Variants in CFAP251 observed in about 807,000 individuals in gnomAD.
The protein encoded by CFAP251 is cilia- and flagella-associated protein 251.
In CFAP251, 93 loss-of-function variants were observed where a neutral mutation model predicts 126.7. The observed-to-expected ratio is 0.73, with a 90% confidence interval of 0.62 to 0.87. CFAP251 has a LOEUF of 0.87. Among genes scored for constraint, CFAP251 ranks in the 40% least tolerant of loss-of-function variants. The probability of loss-of-function intolerance (pLI) is 0.00; values close to 1 mark genes in which losing one functional copy is unlikely to be tolerated. For missense variants in CFAP251, 1,287 were observed against 1,389.2 expected, an observed-to-expected ratio of 0.93 and a Z score of 1.17; for synonymous variants, 503 against 506.9, an observed-to-expected ratio of 0.99 and a Z score of 0.10.
At chr12:122,000,773 C>T (rs1254857569) in intron 20 of CFAP251, among the ~76,000 whole-genome samples, 3 of 151,984 alleles carry the variant, frequency 2.0e-5, no homozygotes, top group Non-Finnish European at 4.4e-5. Context: ...GAGCCTGGTC[C>T]CCGCAGCATG....
At chr12:121,956,411 G>A (rs1472201604) in intron 10 of CFAP251, among the ~76,000 whole-genome samples, 1 of 152,186 alleles carries the variant, frequency 6.6e-6, no homozygotes, top group African/African-American at 2.4e-5. Flanking sequence ...GCATAGTCAA[G>A]CCACATGGCC....
chr12:121,943,054 C>CT (rs1690719470), intron 7 of CFAP251, 79 bp downstream of exon 7: 1 of 1,481,064 alleles, frequency 6.8e-7, no homozygotes, highest in Non-Finnish European at 9.4e-7. Flanking sequence ...TGGCTCACAC[C>CT]TGTAATCCCA....
Position 121,975,583 on chromosome 12 carries a change from AG to A in CFAP251, c.2906del (p.Gly969AlafsTer23). 2 of 1,606,694 alleles carry A rather than the reference AG, an allele frequency of 1.2e-6. No individual in the cohort carries two copies. The highest frequency in any genetic ancestry group is 2.7e-5 in the African/African-American group (2 of 74,504). On this transcript the variant is annotated frameshift_variant, in exon 19 of 22. Coordinates refer to ENST00000288912, the MANE Select transcript of CFAP251 (RefSeq NM_144668.6). LOFTEE classifies it high-confidence loss of function. Reference sequence around the variant, plus strand: ...TCTACTATTCTCAGCTCCGCAGTCAAGGCATCGACACAATGGAGACCAGAAA... The same window carrying A: ...TCTACTATTCTCAGCTCCGCAGTCAAGCATCGACACAATGGAGACCAGAAA... The part of the protein sequence containing the change: ...YFYYSQLRSQ[G>X]IDTMETRKVS...
At chr12:121,961,372 TCATCCATCTGTCCATCCATC>T (rs1356732229) in intron 14 of CFAP251, among the ~76,000 whole-genome samples, 5 of 141,808 alleles carry the variant, frequency 3.5e-5, no homozygotes, top group African/African-American at 1.3e-4. Flanking sequence ...CTCCATCCAT[TCATCCATCTGTCCATCCATC>T]CATCCATCCG....
At chr12:121,955,887 T>A (rs1881711426) in intron 10 of CFAP251, 1 of 151,822 alleles carries the variant, frequency 6.6e-6, no homozygotes, top group South Asian at 2.1e-4. Flanking sequence ...GACCTGGGAG[T>A]CCAAGAAGGA....
At chr12:121,947,053 T>C (rs1720030) in intron 7 of CFAP251, among the ~76,000 whole-genome samples, 94,451 of 152,046 alleles carry the variant, frequency 0.62, 31,960 homozygotes, top group Non-Finnish European at 0.77. Context: ...TCTTTATTCT[T>C]CTTCTGGGGC....
rs1426062272 is a variant in CFAP251, at chr12:121,923,645, A to G, written c.402A>G (p.Ser134=). 1 of 1,611,332 alleles carries G rather than the reference A, an allele frequency of 6.2e-7. No individual in the cohort carries two copies. Among genetic ancestry groups the G allele is most frequent in the Admixed American group, 1.7e-5 (1 of 59,350 alleles). The change falls in exon 3 of 22, where the codon TCA becomes TCG. Residue 134 remains serine (S), a synonymous_variant. Coordinates refer to ENST00000288912, the MANE Select transcript of CFAP251 (RefSeq NM_144668.6). ...IFPKTQRGSK[S]KLSLQLEDAE... is the part of the protein sequence containing the mutation. Reference sequence around the variant, plus strand: ...AGAAAACCCAAAGAGGTAGCAAGTCAAAGCTTTCCTTACAATTGGAGGATG... The same window carrying G: ...AGAAAACCCAAAGAGGTAGCAAGTCGAAGCTTTCCTTACAATTGGAGGATG...
intron 3 of CFAP251, among the ~76,000 whole-genome samples, chr12:121,928,139 C>T (rs1668471924): frequency 6.6e-6 from 1 of 152,154 alleles, no homozygotes; most frequent in Non-Finnish European, 1.5e-5. Flanking sequence ...GGAATGCTTT[C>T]TTTTTGTCAC....
chr12:121,957,629 G>A (rs1382092744), intron 11 of CFAP251, among the ~76,000 whole-genome samples: 3 of 151,590 alleles, frequency 2.0e-5, no homozygotes, highest in Admixed American at 1.3e-4. Flanking sequence ...GTGTGAACCC[G>A]GGAGACGGAG....
chr12:121,978,944 C>G (rs1204483009), intron 19 of CFAP251, among the ~76,000 whole-genome samples: 1 of 152,166 alleles, frequency 6.6e-6, no homozygotes, highest in Non-Finnish European at 1.5e-5. Flanking sequence ...CTATTGCTAA[C>G]CTACTTTCCA....
chr12:121,982,629 C>A (rs186312891), intron 19 of CFAP251, among the ~76,000 whole-genome samples: 8 of 152,236 alleles, frequency 5.3e-5, no homozygotes, highest in African/African-American at 1.7e-4. Context: ...CCACTCACCT[C>A]GGCCTCCCAA....
intron 5 of CFAP251, among the ~76,000 whole-genome samples, chr12:121,935,125 T>C (rs1880840978): frequency 6.6e-6 from 1 of 152,068 alleles, no homozygotes; most frequent in South Asian, 2.1e-4. Flanking sequence ...TTTATTTTAT[T>C]GTATTATATT....
At chr12:121,961,568 G>A (rs549813079) in intron 14 of CFAP251, among the ~76,000 whole-genome samples, 5 of 152,314 alleles carry the variant, frequency 3.3e-5, no homozygotes, top group Admixed American at 1.3e-4. Context: ...ACTGTAAGAC[G>A]TCAGGTGTGG....
At chr12:121,959,331 T>C in intron 13 of CFAP251, 1 of 398,304 alleles carries the variant, frequency 2.5e-6, no homozygotes, top group Non-Finnish European at 4.4e-6. Context: ...GCCCCAGTTA[T>C]CCAGGAGGCT....
At chr12:122,003,609 A>G (rs1475566644) in intron 21 of CFAP251, 43 bp from the exon 22 acceptor site, 1 of 1,505,242 alleles carries the variant, frequency 6.6e-7, no homozygotes, top group Non-Finnish European at 9.2e-7. Flanking sequence ...AAGAAACATA[A>G]TCATCATGAA....
At chr12:121,949,468 T>G (rs2057927391) in intron 8 of CFAP251, 1 of 148,330 alleles carries the variant, frequency 6.7e-6, no homozygotes, top group Non-Finnish European at 1.5e-5. Context: ...CACCTGGCTC[T>G]AAAATACAGC....
chr12:121,979,300 G>A (rs1050723564), intron 19 of CFAP251, among the ~76,000 whole-genome samples: 3 of 152,150 alleles, frequency 2.0e-5, no homozygotes, highest in Non-Finnish European at 2.9e-5. Context: ...GAGAAAGTTC[G>A]TACAGCCCAC....
intron 19 of CFAP251, among the ~76,000 whole-genome samples, chr12:121,985,235 T>C (rs1040365822): frequency 6.6e-6 from 1 of 152,192 alleles, no homozygotes; most frequent in African/African-American, 2.4e-5. Flanking sequence ...ACAAATGTAC[T>C]TTTAAGAGTG....
At position 121,975,558 on chromosome 12, in the gene CFAP251, T is replaced by A. The variant is rs1857476527; in HGVS notation, c.2879T>A (p.Phe960Tyr). The A allele has an allele frequency of 6.2e-7, 1 of 1,608,272 alleles. No individual in the cohort carries two copies. The highest frequency in any genetic ancestry group is 1.7e-5 in the Admixed American group (1 of 58,126). Residue 960 changes from phenylalanine to tyrosine, a missense_variant, in exon 19 of 22, where the codon TTC (phenylalanine) becomes TAC (tyrosine). Phe to Tyr is a conservative substitution (Grantham distance 22). Transcript: ENST00000288912. ...GKFYRELEDY[F>Y]YYSQLRSQGI... ...CCTACATAGGAGCTAGAAGACTACT[T>A]CTACTATTCTCAGCTCCGCAGTCAA...
Sources: gnomAD v4.1 joint callset for allele counts (sites outside exome capture counted in the v4.1 genomes callset) on GRCh38, gnomAD v4.1.1 for gene constraint, MANE v1.5 for transcripts, NCBI Gene and HGNC (gene_info 2026-07-23, HGNC 2026-07-21) for gene names.